The following ZNF462 variants were observed in gnomAD, a reference collection of about 807,000 sequenced individuals.
ZNF462 encodes the protein zinc finger PBX1-interacting protein.
A neutral mutation model predicts 201.9 loss-of-function variants in ZNF462; 10 were observed. That is an observed-to-expected ratio of 0.05 (90% CI 0.03 to 0.08). The LOEUF (loss-of-function observed/expected upper bound fraction) is 0.08. ZNF462 is among the 10% of genes least tolerant of loss of function. The pLI is 1.00. For missense variants in ZNF462, 2,523 were observed against 3,168.3 expected (o/e 0.80, Z 4.89); for synonymous variants, 1,227 against 1,193.3 (o/e 1.03, Z -0.58).
chr9:106,862,150 C>T (rs888153963), upstream of ZNF462, among the ~76,000 whole-genome samples: 2 of 152,112 alleles, frequency 1.3e-5, no homozygotes, highest in African/African-American at 2.4e-5. The surrounding 1 kb of genome is among the most constrained non-coding windows in gnomAD (Gnocchi z 4.2). Flanking sequence ...CTTCAAAATA[C>T]GTGCCAGTAA....
At chr9:106,992,622 CAA>C (rs1250033825) in intron 10 of ZNF462, among the ~76,000 whole-genome samples, 1 of 152,026 alleles carries the variant, frequency 6.6e-6, no homozygotes, top group Non-Finnish European at 1.5e-5. Flanking sequence ...AAGCTAGACA[CAA>C]GAGACTACGT....
intron 1 of ZNF462, among the ~76,000 whole-genome samples, chr9:106,911,992 G>A (rs1829568148): frequency 6.6e-6 from 1 of 152,124 alleles, no homozygotes; most frequent in African/African-American, 2.4e-5. Context: ...ACAATATTCT[G>A]GTATCATTAG....
intron 1 of ZNF462, among the ~76,000 whole-genome samples, chr9:106,893,990 G>A (rs1465608869): frequency 1.3e-5 from 2 of 152,166 alleles, no homozygotes; most frequent in African/African-American, 4.8e-5. Flanking sequence ...ATATGGCTAG[G>A]AATTACTGGC....
Position 106,983,744 on chromosome 9 carries a change from G to A in ZNF462, c.6833-442G>A, listed in dbSNP as rs187888691. 1.4e-3 allele frequency among the ~76,000 whole-genome samples: 210 copies of A among 152,306 alleles called. 3 individuals are homozygous for A. The highest frequency in any genetic ancestry group is 4.9e-3 in the African/African-American group (205 of 41,568). The stretch of plus-strand genomic sequence containing the variant: ...AGGTACCAGAACATAGGTGCCTGGT[G>A]AATGTCAGTTTCTTTCCCCATTAAA... On this transcript the variant is annotated intron_variant, in intron 9 of 12. Coordinates refer to ENST00000277225, the MANE Select transcript of ZNF462 (RefSeq NM_021224.6).
At chr9:106,881,720 A>G (rs1407356304) in intron 1 of ZNF462, among the ~76,000 whole-genome samples, 2 of 152,186 alleles carry the variant, frequency 1.3e-5, no homozygotes, top group African/African-American at 2.4e-5. Context: ...TGACAAACAT[A>G]TACCTTCTTG....
At position 106,954,269 on chromosome 9, in the gene ZNF462, G is replaced by A. The variant is rs1430618221; in HGVS notation, c.6427+15162G>A. ...TATAATCAAGGTGGAAGGCAAAGGGGGAGCAAGGCACATCTTATATGGTGG... is the reference window on the plus strand; with the variant it reads ...TATAATCAAGGTGGAAGGCAAAGGGAGAGCAAGGCACATCTTATATGGTGG... On this transcript the variant is annotated intron_variant, in intron 7 of 12. Transcript: ENST00000277225. This position sits in a 1 kb window ranked among gnomAD's most constrained non-coding sequence, Gnocchi z 4.0. 5.3e-5 allele frequency among the ~76,000 whole-genome samples: 8 copies of A among 152,234 alleles called. No individual in the cohort carries two copies. The East Asian group carries it at 9.7e-4, about 18-fold the overall frequency.
At chr9:106,903,630 A>G (rs1282674707) in intron 1 of ZNF462, among the ~76,000 whole-genome samples, 2 of 152,180 alleles carry the variant, frequency 1.3e-5, no homozygotes, top group South Asian at 2.1e-4. Context: ...TATGTTCACA[A>G]TTGTGATATT....
intron 1 of ZNF462, among the ~76,000 whole-genome samples, chr9:106,903,081 A>G (rs1234704481): frequency 2.0e-5 from 3 of 151,784 alleles, no homozygotes. Context: ...AGAGCTATGA[A>G]TTTTCCTCTT....
chr9:106,908,902 CATATATACAT>C (rs1307856946), intron 1 of ZNF462, among the ~76,000 whole-genome samples: 95 of 77,204 alleles, frequency 1.2e-3, no homozygotes, highest in Non-Finnish European at 1.6e-3. Context: ...AATATTTGCC[CATATATACAT>C]ATATATATAT....
At chr9:106,991,717 G>A (rs529867542) in intron 10 of ZNF462, among the ~76,000 whole-genome samples, 1 of 151,934 alleles carries the variant, frequency 6.6e-6, no homozygotes, top group Non-Finnish European at 1.5e-5. Flanking sequence ...CATATATGTG[G>A]TCAGTTGATT....
intron 1 of ZNF462, among the ~76,000 whole-genome samples, chr9:106,887,920 A>G (rs1828393145): frequency 6.6e-6 from 1 of 152,240 alleles, no homozygotes; most frequent in Non-Finnish European, 1.5e-5. Context: ...TCTACTTCCA[A>G]AGACAAGCTG....
rs370173874 is a variant in ZNF462 at position 106,960,416 on chromosome 9, A to T, written c.6428-11589A>T. On this transcript the variant is annotated intron_variant, in intron 7 of 12. Coordinates refer to ENST00000277225, the MANE Select transcript of ZNF462 (RefSeq NM_021224.6). ...GCCTGTGAGCTCTAAATACCATCTG[A>T]GGTTGCTCACAAGCTCTCTACGGTT... 3.3e-5 allele frequency among the ~76,000 whole-genome samples: 5 copies of T among 152,212 alleles called. No individual in the cohort carries two copies. The East Asian group carries it at 5.8e-4, about 18-fold the overall frequency.
rs1829658040 is a variant in ZNF462 at position 106,913,928 on chromosome 9, C to A, written c.-30-9426C>A. On this transcript the variant is annotated intron_variant, in intron 1 of 12. Coordinates refer to ENST00000277225, the MANE Select transcript of ZNF462 (RefSeq NM_021224.6). The surrounding 1 kb of genome is among the most constrained non-coding windows in gnomAD (Gnocchi z 4.1). ...ACTTGACCATTTTTAATGACATTTG[C>A]CCCTTACTCACAAAACTCACAGGAT... Among the ~76,000 whole-genome samples, 1 of 150,586 alleles carries A rather than the reference C, an allele frequency of 6.6e-6. No individual in the cohort carries two copies. The highest frequency in any genetic ancestry group is 1.5e-5 in the Non-Finnish European group (1 of 67,384).
At chr9:106,873,815 C>T (rs79256268) in intron 1 of ZNF462, among the ~76,000 whole-genome samples, 6,573 of 152,168 alleles carry the variant, frequency 0.043, 184 homozygotes, top group Non-Finnish European at 0.066. Context: ...CTACGGTATC[C>T]GAGAGAGTAG....
chr9:106,895,971 T>C lies in ZNF462; in HGVS notation c.-30-27383T>C, dbSNP rs1564082561. The stretch of plus-strand genomic sequence containing the variant: ...AATGCAAAAAAAACAAGAACATTCA[T>C]TATCTAACCCGCCCTTTCTAGCCTT... On this transcript the variant is annotated intron_variant, in intron 1 of 12. Coordinates refer to ENST00000277225, the MANE Select transcript of ZNF462 (RefSeq NM_021224.6). The surrounding 1 kb of genome is among the most constrained non-coding windows in gnomAD (Gnocchi z 4.4). Among the ~76,000 whole-genome samples the C allele has an allele frequency of 6.6e-6, 1 of 152,330 alleles. No homozygotes were observed. Among genetic ancestry groups the C allele is most frequent in the East Asian group, 1.9e-4 (1 of 5,190 alleles).
At chr9:106,979,028 A>C (rs10978691) in intron 9 of ZNF462, 32,486 of 203,542 alleles carry the variant, frequency 0.16, 3,643 homozygotes, top group African/African-American at 0.3. Context: ...TCTCCTTGAT[A>C]ATACAATAGG....
At chr9:106,921,355 A>C (rs1156818727) in intron 1 of ZNF462, among the ~76,000 whole-genome samples, 2 of 152,242 alleles carry the variant, frequency 1.3e-5, no homozygotes, top group African/African-American at 4.8e-5. Context: ...GAGAGAAATG[A>C]AAACAGTTAA....
chr9:106,873,013 A>G (rs2130849684), intron 1 of ZNF462, among the ~76,000 whole-genome samples: 1 of 152,324 alleles, frequency 6.6e-6, no homozygotes, highest in South Asian at 2.1e-4. Context: ...TGGGGGAGCC[A>G]GGATTCACAT....
chr9:106,882,582 G>A (rs1416572708), intron 1 of ZNF462, among the ~76,000 whole-genome samples: 4 of 152,102 alleles, frequency 2.6e-5, no homozygotes, highest in Admixed American at 6.6e-5. Flanking sequence ...AAATTTGTTT[G>A]TCGGTAGCTT....
Sources: allele counts gnomAD v4.1 joint callset (sites outside exome capture counted in the v4.1 genomes callset), GRCh38; gene constraint gnomAD v4.1.1; non-coding constraint Gnocchi (gnomAD v3.1); transcripts MANE v1.5; gene names NCBI Gene and HGNC (gene_info 2026-07-23, HGNC 2026-07-21).